The following RABGAP1L variants were observed in gnomAD, a reference collection of about 807,000 sequenced individuals.
RABGAP1L encodes the protein rab GTPase-activating protein 1-like.
Under a neutral mutation model 137.7 loss-of-function variants are expected in RABGAP1L, and 63 were observed. The observed-to-expected ratio is 0.46, with a 90% CI of 0.37 to 0.56. The LOEUF is 0.56. RABGAP1L is among the 20% of genes least tolerant of loss of function. The pLI, the probability that RABGAP1L is intolerant of heterozygous loss-of-function variation, is 0.00. For missense variants in RABGAP1L, 1,095 were observed against 1,244.0 expected (o/e 0.88, Z 1.80); for synonymous variants, 431 against 433.7 (o/e 0.99, Z 0.08).
In RABGAP1L at chr1:174,336,890, A is replaced by T. The variant is rs1245936932; in HGVS notation, c.1465+31763A>T. 5.2e-4 allele frequency among the ~76,000 whole-genome samples: 73 copies of T among 139,360 alleles called. 1 individual carries two copies. Among genetic ancestry groups the T allele is most frequent in the African/African-American group, 2.0e-3 (70 of 34,260 alleles). The allele number at this position is 139,360 out of a possible 152,430, so 91.4% of individuals were successfully genotyped here. On this transcript the variant is annotated intron_variant, in intron 11 of 25. Transcript: ENST00000681986. ...GTGTGTGTGTGTGTGTGTGTGAGAG[A>T]GAGAGAGAAAGAGAGAGAAAGAATG... is the stretch of plus-strand genomic sequence containing the variant.
chr1:174,362,401 G>C (rs1197054852), intron 11 of RABGAP1L, among the ~76,000 whole-genome samples: 1 of 152,178 alleles, frequency 6.6e-6, no homozygotes, highest in Non-Finnish European at 1.5e-5. Flanking sequence ...CCCACCAACA[G>C]TGTATAAGCA....
intron 13 of RABGAP1L, among the ~76,000 whole-genome samples, chr1:174,634,442 T>C (rs1173002798): frequency 7.9e-6 from 1 of 125,936 alleles, no homozygotes; most frequent in Non-Finnish European, 1.6e-5. Context: ...GGTGGGACTG[T>C]AAACTAGTTC....
chr1:174,478,588 A>G (rs756495423), intron 13 of RABGAP1L, among the ~76,000 whole-genome samples: 2 of 152,092 alleles, frequency 1.3e-5, no homozygotes, highest in African/African-American at 2.4e-5. Flanking sequence ...TTGGTTTTCA[A>G]ATTCTTTTCA....
chr1:174,448,949 C>T lies in RABGAP1L; in HGVS notation c.1710+54804C>T. The T allele has an allele frequency of 6.2e-7, 1 of 1,613,978 alleles. No homozygotes were observed. Among genetic ancestry groups the T allele is most frequent in the Non-Finnish European group, 8.5e-7 (1 of 1,179,912 alleles). ...CAGTGTATTTTATATGCTGTGGCTCCCCTATATAATTTACTTTCTTCTAGA... is the reference window on the plus strand; with the variant it reads ...CAGTGTATTTTATATGCTGTGGCTCTCCTATATAATTTACTTTCTTCTAGA... On this transcript the variant is annotated intron_variant, in intron 13 of 25. Transcript: ENST00000681986. This position sits in a 1 kb window ranked among gnomAD's most constrained non-coding sequence, Gnocchi z 4.2.
chr1:174,457,441 T>C (rs2149272007), intron 13 of RABGAP1L, among the ~76,000 whole-genome samples: 1 of 151,960 alleles, frequency 6.6e-6, no homozygotes, highest in African/African-American at 2.4e-5. Context: ...CTTGAGGGAT[T>C]GCACATAGGA....
At chr1:174,901,416 G>A (rs1201671855) in intron 19 of RABGAP1L, among the ~76,000 whole-genome samples, 1 of 152,134 alleles carries the variant, frequency 6.6e-6, no homozygotes, top group Admixed American at 6.5e-5. Flanking sequence ...GAGAATGAGT[G>A]CCCGGTAAAG....
chr1:174,446,208 G>C (rs1384725520), intron 13 of RABGAP1L, among the ~76,000 whole-genome samples: 1 of 152,208 alleles, frequency 6.6e-6, no homozygotes, highest in African/African-American at 2.4e-5. Flanking sequence ...GAATCAAGCA[G>C]CCCAGCCTAG....
chr1:174,421,706 A>C (rs1180780765), intron 13 of RABGAP1L, among the ~76,000 whole-genome samples: 1 of 152,194 alleles, frequency 6.6e-6, no homozygotes, highest in Admixed American at 6.5e-5. Flanking sequence ...AAAATGTTCC[A>C]CTGCCCTCTG....
chr1:174,880,957 G>T (rs1437651334), intron 19 of RABGAP1L, among the ~76,000 whole-genome samples: 1 of 152,154 alleles, frequency 6.6e-6, no homozygotes, highest in Non-Finnish European at 1.5e-5. Context: ...AAGGAGAAAA[G>T]AAACAAATAC....
intron 15 of RABGAP1L, among the ~76,000 whole-genome samples, chr1:174,696,057 G>T (rs1679233525): frequency 6.6e-6 from 1 of 152,100 alleles, no homozygotes. Context: ...ACTGCACTTG[G>T]TCACACCTGA....
intron 17 of RABGAP1L, among the ~76,000 whole-genome samples, chr1:174,703,163 C>T (rs1183748118): frequency 6.6e-6 from 1 of 152,042 alleles, no homozygotes; most frequent in African/African-American, 2.4e-5. Flanking sequence ...TGATGTTTTG[C>T]TACGTGGATA....
At chr1:174,618,545 A>C (rs12060177) in intron 13 of RABGAP1L, among the ~76,000 whole-genome samples, 88,229 of 152,038 alleles carry the variant, frequency 0.58, 27,943 homozygotes, top group African/African-American at 0.85. Context: ...CTGGAGTGGA[A>C]CTCCCACAAA....
chr1:174,823,320 A>G (rs914705855), intron 19 of RABGAP1L, among the ~76,000 whole-genome samples: 1 of 152,214 alleles, frequency 6.6e-6, no homozygotes, highest in Non-Finnish European at 1.5e-5. Context: ...CAGAGTTGCC[A>G]TAACGTTAGA....
chr1:174,288,474 A>G (rs1039173449), intron 10 of RABGAP1L, among the ~76,000 whole-genome samples: 7 of 152,110 alleles, frequency 4.6e-5, no homozygotes, highest in East Asian at 1.9e-4. Context: ...TTTGCCAGGT[A>G]TAGTATTCTT....
intron 9 of RABGAP1L, among the ~76,000 whole-genome samples, chr1:174,278,358 A>T (rs1424223997): frequency 6.6e-6 from 1 of 152,202 alleles, no homozygotes; most frequent in Non-Finnish European, 1.5e-5. Flanking sequence ...GTGAGCCAAG[A>T]TCGCTCCATT....
chr1:174,776,448 C>A (rs1025037004), intron 18 of RABGAP1L, among the ~76,000 whole-genome samples: 4 of 152,258 alleles, frequency 2.6e-5, no homozygotes, highest in Admixed American at 6.5e-5. Flanking sequence ...TGCACACTTT[C>A]AAAAACTTGC....
chr1:174,515,087 TA>T (rs1345203015), intron 13 of RABGAP1L, among the ~76,000 whole-genome samples: 2 of 152,172 alleles, frequency 1.3e-5, no homozygotes. Flanking sequence ...TTTTTCCAAT[TA>T]AAAAAATTCT....
chr1:174,413,346 T>C (rs971044296), intron 13 of RABGAP1L, among the ~76,000 whole-genome samples: 2 of 152,212 alleles, frequency 1.3e-5, no homozygotes, highest in Admixed American at 1.3e-4. Context: ...TTCTCTCTTA[T>C]TTCCTGGCTT....
intron 13 of RABGAP1L, among the ~76,000 whole-genome samples, chr1:174,502,133 T>C (rs1661333226): frequency 6.6e-6 from 1 of 151,918 alleles, no homozygotes; most frequent in Admixed American, 6.5e-5. Context: ...GTTACTGAAA[T>C]GTATATAAAA....
Sources: gnomAD v4.1 joint callset for allele counts (sites outside exome capture counted in the v4.1 genomes callset) on GRCh38, gnomAD v4.1.1 for gene constraint, Gnocchi (gnomAD v3.1) non-coding constraint, MANE v1.5 for transcripts, NCBI Gene and HGNC (gene_info 2026-07-23, HGNC 2026-07-21) for gene names.